Variants in NUGGC observed in about 807,000 individuals in gnomAD.
NUGGC encodes the protein nuclear GTPase SLIP-GC.
In NUGGC, 58 loss-of-function variants were observed where a neutral mutation model predicts 92.6. The ratio of observed to expected loss-of-function variants is 0.63; its 90% CI spans 0.51 to 0.78. NUGGC has a LOEUF of 0.78. NUGGC is among the 30% of genes least tolerant of loss of function. The pLI, the probability that NUGGC is intolerant of heterozygous loss-of-function variation, is 0.00. For missense variants in NUGGC, 925 were observed against 964.6 expected, an observed-to-expected ratio of 0.96 and a Z score of 0.54; for synonymous variants, 376 against 366.4, an observed-to-expected ratio of 1.03 and a Z score of -0.30.
At chr8:28,044,912 C>T (rs991171416) in intron 12 of NUGGC, among the ~76,000 whole-genome samples, 4 of 152,200 alleles carry the variant, frequency 2.6e-5, no homozygotes, top group African/African-American at 9.7e-5. Flanking sequence ...TCTAATCTAG[C>T]AGCTTATCCC....
At position 28,080,298 on chromosome 8, in the gene NUGGC, G is replaced by GA. The variant is rs1293981940; in HGVS notation, c.-47+3476dup. On this transcript the variant is annotated intron_variant, in intron 1 of 18. Coordinates refer to ENST00000413272, the MANE Select transcript of NUGGC (RefSeq NM_001010906.2). ...AAGTAAAACAAGCCAGAGAGAGAGAGAGAGACTATCAGAGGAATACATTTT... is the reference window on the plus strand; with the variant it reads ...AAGTAAAACAAGCCAGAGAGAGAGAGAAGAGACTATCAGAGGAATACATTTT... Among the ~76,000 whole-genome samples the GA allele has an allele frequency of 2.6e-5, 4 of 152,328 alleles. No individual in the cohort carries two copies. The East Asian group carries it at 7.7e-4, about 29-fold the overall frequency.
At chr8:28,065,419 C>T (rs1810417632) in intron 6 of NUGGC, among the ~76,000 whole-genome samples, 1 of 152,078 alleles carries the variant, frequency 6.6e-6, no homozygotes, top group Non-Finnish European at 1.5e-5. Context: ...CTCAGCCTCC[C>T]AAAGTGCTGG....
chr8:28,068,288 A>G lies in NUGGC; in HGVS notation c.408T>C (p.Thr136=), dbSNP rs1810497312. 1.3e-6 allele frequency: 2 copies of G among 1,551,658 alleles called. No homozygotes were observed. The highest frequency in any genetic ancestry group is 4.9e-5 in the East Asian group (2 of 41,000). The change falls in exon 5 of 19, where the codon ACT becomes ACC. Residue 136 remains threonine, a synonymous_variant. Coordinates refer to ENST00000413272, the MANE Select transcript of NUGGC (RefSeq NM_001010906.2). ...CAGAGCTCACTTGTACAATGCAGGA[A>G]GTACATATGCTTTCTCCAGACACTG... ...FLPVSGESIC[T]SCIVQVSSGC...
chr8:28,026,742 CA>C (rs1317664007), intron 18 of NUGGC, among the ~76,000 whole-genome samples: 2 of 151,330 alleles, frequency 1.3e-5, no homozygotes, highest in Non-Finnish European at 2.9e-5. Flanking sequence ...GGGTGCTGGG[CA>C]AAGGGTAGGG....
At chr8:28,032,928 T>C (rs1809460926) in intron 14 of NUGGC, among the ~76,000 whole-genome samples, 1 of 151,904 alleles carries the variant, frequency 6.6e-6, no homozygotes, top group Non-Finnish European at 1.5e-5. Flanking sequence ...GGGAGGACGA[T>C]GGGGGAGGAT....
intron 10 of NUGGC, among the ~76,000 whole-genome samples, chr8:28,050,052 A>G (rs1343930098): frequency 6.6e-6 from 1 of 151,782 alleles, no homozygotes; most frequent in East Asian, 1.9e-4. Context: ...ACGCCATTGA[A>G]CTCCAGCCAG....
chr8:28,024,645 T>C (rs1418523426), intron 18 of NUGGC, among the ~76,000 whole-genome samples: 3 of 152,212 alleles, frequency 2.0e-5, no homozygotes, highest in African/African-American at 7.2e-5. Context: ...CTTGGCTTTC[T>C]GTGCCCGAGG....
chr8:28,080,673 G>A (rs1159186429), intron 1 of NUGGC, among the ~76,000 whole-genome samples: 1 of 152,046 alleles, frequency 6.6e-6, no homozygotes, highest in African/African-American at 2.4e-5. Context: ...TCTAGATATA[G>A]ATATATATCT....
chr8:28,033,582 G>A lies in NUGGC; in HGVS notation c.1727C>T (p.Pro576Leu). The A allele has an allele frequency of 6.2e-7, 1 of 1,614,008 alleles. No homozygotes were observed. The highest frequency in any genetic ancestry group is 8.5e-7 in the Non-Finnish European group (1 of 1,179,892). ...RIDLNEALTQPVYDQIDPVFG... is the reference protein window; with the variant it reads ...RIDLNEALTQLVYDQIDPVFG... ...AACAGGGTCGATCTGGTCATAGACG[G>A]GCTGAGTGAGGGCTTCATTTAGATC... The change falls in exon 14 of 19, where the codon CCC becomes CTC. Residue 576 changes from proline to leucine, a missense_variant. Pro to Leu is a moderately conservative substitution (Grantham distance 98, BLOSUM62 -3). Transcript: ENST00000413272.
chr8:28,046,039 C>T (rs1809824632), intron 11 of NUGGC, among the ~76,000 whole-genome samples: 1 of 152,080 alleles, frequency 6.6e-6, no homozygotes, highest in African/African-American at 2.4e-5. Flanking sequence ...CTACCTATAT[C>T]AACTAACCCT....
chr8:28,052,870 A>G (rs921076798), intron 10 of NUGGC, among the ~76,000 whole-genome samples: 1 of 152,182 alleles, frequency 6.6e-6, no homozygotes, highest in African/African-American at 2.4e-5. Context: ...AGCATTTTCC[A>G]GGCCGTTACA....
Position 28,069,562 on chromosome 8 carries a change from T to C in NUGGC, c.239A>G (p.Asn80Ser), listed in dbSNP as rs1177508009. 1 of 1,586,626 alleles carries C rather than the reference T, an allele frequency of 6.3e-7. No individual in the cohort carries two copies. The highest frequency in any genetic ancestry group is 8.7e-7 in the Non-Finnish European group (1 of 1,155,278). The change falls in exon 4 of 19, where the codon AAT becomes AGT. Residue 80 changes from asparagine to serine, a missense_variant. By Grantham distance (46) the Asn-to-Ser change is conservative. Transcript: ENST00000413272. ...GACTCACATGAGATACTTGACTCCA[T>C]TAGGGATGCTGTCATCCAGGAAGAC... is the stretch of plus-strand genomic sequence containing the variant. ...QSVFLDDSIP[N>S]GVKYLINRLL...
chr8:28,029,137 C>G (rs749369973), intron 17 of NUGGC, 129 bp downstream of exon 17: 2 of 891,542 alleles, frequency 2.2e-6, no homozygotes, highest in African/African-American at 3.4e-5. Flanking sequence ...GCTCTCAAGT[C>G]GAAGCCCCAG....
At chr8:28,063,410 G>A (rs1002515792) in intron 7 of NUGGC, among the ~76,000 whole-genome samples, 4 of 152,184 alleles carry the variant, frequency 2.6e-5, no homozygotes, top group Admixed American at 2.6e-4. Flanking sequence ...TCTCTCGGCC[G>A]GGCCTGGAAC....
chr8:28,065,485 TA>T (rs1810419547), intron 6 of NUGGC, among the ~76,000 whole-genome samples: 1 of 152,220 alleles, frequency 6.6e-6, no homozygotes, highest in South Asian at 2.1e-4. Flanking sequence ...AAAGAGTTTT[TA>T]AAATTTATCT....
intron 10 of NUGGC, among the ~76,000 whole-genome samples, chr8:28,050,381 G>GT (rs1359098495): frequency 1.5e-5 from 2 of 130,960 alleles, no homozygotes; most frequent in Admixed American, 8.4e-5. Flanking sequence ...ACAAAACTCT[G>GT]TTAAAAAAAA....
intron 1 of NUGGC, among the ~76,000 whole-genome samples, chr8:28,081,874 T>A (rs917511718): frequency 6.9e-6 from 1 of 145,702 alleles, no homozygotes; most frequent in South Asian, 2.1e-4. Context: ...TGAGACTCCA[T>A]CTCAAAAAAA....
At chr8:28,026,718 G>C (rs115109896) in intron 18 of NUGGC, among the ~76,000 whole-genome samples, 3,511 of 152,186 alleles carry the variant, frequency 0.023, 137 homozygotes, top group African/African-American at 0.078. Flanking sequence ...TGAGTATAAT[G>C]CTTGCTGTCA....
At chr8:28,065,042 A>C (rs1376734947) in intron 6 of NUGGC, among the ~76,000 whole-genome samples, 1 of 152,182 alleles carries the variant, frequency 6.6e-6, no homozygotes, top group Non-Finnish European at 1.5e-5. Flanking sequence ...TAAAATTAAC[A>C]TACTATGTAA....
Sources: gnomAD v4.1 joint callset for allele counts (sites outside exome capture counted in the v4.1 genomes callset) on GRCh38, gnomAD v4.1.1 for gene constraint, MANE v1.5 for transcripts, NCBI Gene and HGNC (gene_info 2026-07-23, HGNC 2026-07-21) for gene names.